Variants in GPLD1 observed in about 807,000 individuals in gnomAD.
GPLD1 encodes the protein phosphatidylinositol-glycan-specific phospholipase D.
In GPLD1, 84 loss-of-function variants were observed where a neutral mutation model predicts 112.6. That is an observed-to-expected ratio of 0.75 (90% CI 0.63 to 0.89). The LOEUF (loss-of-function observed/expected upper bound fraction) is 0.89, where lower values mean the gene tolerates loss of function less well. Ranked by LOEUF, GPLD1 falls within the 40% of genes least tolerant of loss-of-function variation. The pLI is 0.00. For missense variants in GPLD1, 1,044 were observed against 1,051.5 expected (o/e 0.99, Z 0.10); for synonymous variants, 386 against 403.8 (o/e 0.96, Z 0.53).
intron 20 of GPLD1, 34 bp from the exon 21 acceptor site, chr6:24,437,323 G>A: frequency 4.4e-6 from 7 of 1,597,252 alleles, no homozygotes; most frequent in Non-Finnish European, 6.0e-6. Flanking sequence ...TGGCCTCACA[G>A]AAAGGAAGGC....
intron 13 of GPLD1, 123 bp from the exon 14 acceptor site, chr6:24,454,324 G>T (rs137864215): frequency 5.4e-6 from 3 of 557,140 alleles, no homozygotes; most frequent in Admixed American, 3.6e-5. Context: ...TCCACCCTGC[G>T]TGACTGTTGT....
chr6:24,430,016 G>C (rs1354756301), intron 24 of GPLD1, among the ~76,000 whole-genome samples: 1 of 148,916 alleles, frequency 6.7e-6, no homozygotes, highest in African/African-American at 2.4e-5. Flanking sequence ...ATTTAATTTT[G>C]AAAACTACTG....
At position 24,481,227 on chromosome 6, in the gene GPLD1, C is replaced by A. The variant is rs542107589; in HGVS notation, c.154-1268G>T. Among the ~76,000 whole-genome samples, 9 of 152,256 alleles carry A rather than the reference C, an allele frequency of 5.9e-5. No individual in the cohort carries two copies. The South Asian group carries it at 1.9e-3, about 32-fold the overall frequency. ...TCCCACAGTTTGTAAGCAGTGAATTCTCTAATTCCTGGTATTAATCCTTTC... is the reference window on the plus strand; with the variant it reads ...TCCCACAGTTTGTAAGCAGTGAATTATCTAATTCCTGGTATTAATCCTTTC... On this transcript the variant is annotated intron_variant, in intron 2 of 24. Coordinates refer to ENST00000230036, the MANE Select transcript of GPLD1 (RefSeq NM_001503.4).
At chr6:24,462,238 T>G (rs1247149499) in intron 11 of GPLD1, among the ~76,000 whole-genome samples, 4 of 152,062 alleles carry the variant, frequency 2.6e-5, no homozygotes, top group African/African-American at 7.2e-5. Context: ...GCTCAAGCAA[T>G]CCTCCCGCCT....
chr6:24,433,748 G>C (rs1450985099), intron 22 of GPLD1, among the ~76,000 whole-genome samples: 1 of 151,904 alleles, frequency 6.6e-6, no homozygotes. Flanking sequence ...ACCCACCTCA[G>C]CCTCCCAAAG....
chr6:24,429,110 G>T lies in GPLD1; in HGVS notation c.2445C>A (p.Val815=), dbSNP rs764379818. Reference sequence around the variant, plus strand: ...AAGAACTCCTTCCAGCAGCAATGACGACTTGGTTCTGTAAGGGACACAAGA... The same window carrying T: ...AAGAACTCCTTCCAGCAGCAATGACTACTTGGTTCTGTAAGGGACACAAGA... ...ITVRSKAKNQ[V]VIAAGRSSLG... is the part of the protein sequence containing the mutation. The change falls in exon 25 of 25, where the codon GTC becomes GTA. Residue 815 remains valine, a synonymous_variant. Coordinates refer to ENST00000230036, the MANE Select transcript of GPLD1 (RefSeq NM_001503.4). 6.2e-7 allele frequency: 1 copy of T among 1,610,962 alleles called. No individual in the cohort carries two copies. The highest frequency in any genetic ancestry group is 1.1e-5 in the South Asian group (1 of 90,920).
Position 24,436,556 on chromosome 6 carries a change from G to A in GPLD1, c.2358+20C>T. ...AGTGATCCTTTCCCAATAAGTTATAGAATTTTGTAGAACACTTACCTTTTC... is the reference window on the plus strand; with the variant it reads ...AGTGATCCTTTCCCAATAAGTTATAAAATTTTGTAGAACACTTACCTTTTC... On this transcript the variant is annotated intron_variant, in intron 22 of 24. Coordinates refer to ENST00000230036, the MANE Select transcript of GPLD1 (RefSeq NM_001503.4). The A allele has an allele frequency of 6.2e-7, 1 of 1,605,118 alleles. No individual in the cohort carries two copies. Among genetic ancestry groups the A allele is most frequent in the Non-Finnish European group, 8.5e-7 (1 of 1,172,918 alleles).
At chr6:24,487,163 C>G (rs1764404483) in intron 1 of GPLD1, among the ~76,000 whole-genome samples, 1 of 152,132 alleles carries the variant, frequency 6.6e-6, no homozygotes, top group Admixed American at 6.6e-5. Context: ...AAAGTCACAA[C>G]CCACAAATAC....
At chr6:24,445,855 A>G (rs937145658) in intron 18 of GPLD1, 24 bp from the exon 19 acceptor site, 1 of 1,524,504 alleles carries the variant, frequency 6.6e-7, no homozygotes, top group Non-Finnish European at 9.1e-7. Context: ...CACTGGGCTT[A>G]GCTGCCAGGG....
chr6:24,462,636 T>C lies in GPLD1; in HGVS notation c.887+94A>G, dbSNP rs887242735. 32 of 767,842 alleles carry C rather than the reference T, an allele frequency of 4.2e-5. No individual in the cohort carries two copies. In the African/African-American group the frequency reaches 5.2e-4, roughly 12 times the overall value. 47.6% of individuals were successfully genotyped at this position (767,842 alleles called of 1,614,324 possible). A position where few individuals can be genotyped will look rare whatever the true frequency, so the allele number is the denominator to read the frequency against. The stretch of plus-strand genomic sequence containing the variant: ...CAAATCTGGAATTTGAACCTACAGC[T>C]GTCTCTCAACAGATCCCGTGTTCTC... On this transcript the variant is annotated intron_variant, in intron 11 of 24. Transcript: ENST00000230036.
chr6:24,494,941 G>A (rs907669078), intron 1 of GPLD1: 1 of 1,274,852 alleles, frequency 7.8e-7, no homozygotes, highest in Non-Finnish European at 9.9e-7. Context: ...CGACCCCTGC[G>A]TTCCCGTGCG....
intron 24 of GPLD1, among the ~76,000 whole-genome samples, chr6:24,429,415 T>C (rs552229989): frequency 2.0e-5 from 3 of 152,308 alleles, no homozygotes; most frequent in South Asian, 4.1e-4. Context: ...AAAACATATC[T>C]TGAATAGTAA....
At chr6:24,456,071 T>C (rs550220312) in intron 13 of GPLD1, among the ~76,000 whole-genome samples, 11 of 152,208 alleles carry the variant, frequency 7.2e-5, no homozygotes, top group South Asian at 4.1e-4. Flanking sequence ...GATGAATTCA[T>C]TGACAAGCAA....
At chr6:24,454,575 G>A (rs992828454) in intron 13 of GPLD1, among the ~76,000 whole-genome samples, 2 of 152,206 alleles carry the variant, frequency 1.3e-5, no homozygotes, top group Non-Finnish European at 2.9e-5. Context: ...GCCACTTTCT[G>A]ATCTGCTCAA....
chr6:24,484,317 T>C (rs115472536), intron 2 of GPLD1, among the ~76,000 whole-genome samples: 4,922 of 152,004 alleles, frequency 0.032, 262 homozygotes, highest in African/African-American at 0.11. Flanking sequence ...GTTCAAACGA[T>C]TCCCCGCCTC....
intron 5 of GPLD1, 23 bp from the exon 6 acceptor site, chr6:24,473,690 T>C (rs1581777015): frequency 6.4e-7 from 1 of 1,555,514 alleles, no homozygotes; most frequent in Non-Finnish European, 8.9e-7. Flanking sequence ...GAGAACCATC[T>C]GGTGTGTATT....
chr6:24,483,345 A>G (rs1221223708), intron 2 of GPLD1, among the ~76,000 whole-genome samples: 1 of 151,802 alleles, frequency 6.6e-6, no homozygotes, highest in Non-Finnish European at 1.5e-5. Context: ...AAGTACTATG[A>G]TACTGAAACC....
intron 13 of GPLD1, among the ~76,000 whole-genome samples, chr6:24,454,519 G>C (rs1241225431): frequency 2.0e-5 from 3 of 152,242 alleles, no homozygotes; most frequent in African/African-American, 7.2e-5. Flanking sequence ...CCTGAGAGTA[G>C]AGAGGAAATT....
chr6:24,485,565 C>G (rs978392471), intron 2 of GPLD1, among the ~76,000 whole-genome samples: 1 of 151,930 alleles, frequency 6.6e-6, no homozygotes, highest in East Asian at 1.9e-4. Context: ...ATAAAATGTT[C>G]AAGTAGCACT....
Sources: gnomAD v4.1 joint callset for allele counts (sites outside exome capture counted in the v4.1 genomes callset) on GRCh38, gnomAD v4.1.1 for gene constraint, MANE v1.5 for transcripts, NCBI Gene and HGNC (gene_info 2026-07-23, HGNC 2026-07-21) for gene names.